Variants in CDCA8 observed in about 807,000 individuals in gnomAD.
The protein encoded by CDCA8 is cell division cycle associated 8.
In CDCA8, 25 loss-of-function variants were observed where a neutral mutation model predicts 40.0. The ratio of observed to expected loss-of-function variants is 0.63; its 90% CI spans 0.46 to 0.87. The LOEUF (loss-of-function observed/expected upper bound fraction) is 0.87. CDCA8 is among the 40% of genes least tolerant of loss of function. The pLI, the probability that CDCA8 is intolerant of heterozygous loss-of-function variation, is 0.00. For missense variants in CDCA8, 280 were observed against 348.4 expected, an observed-to-expected ratio of 0.80 and a Z score of 1.56; for synonymous variants, 111 against 126.5, an observed-to-expected ratio of 0.88 and a Z score of 0.82.
chr1:37,694,459 A>G (rs2148285496), intron 2 of CDCA8, among the ~76,000 whole-genome samples: 1 of 152,250 alleles, frequency 6.6e-6, no homozygotes, highest in East Asian at 1.9e-4. Context: ...GGAATAAAAC[A>G]GACATTGTCT....
At chr1:37,694,094 C>G (rs1420161176) in intron 2 of CDCA8, among the ~76,000 whole-genome samples, 2 of 152,162 alleles carry the variant, frequency 1.3e-5, no homozygotes, top group Non-Finnish European at 2.9e-5. Context: ...GAGCTGAGAG[C>G]ACGCCATTGC....
chr1:37,706,941 G>T, intron 8 of CDCA8, 37 bp from the exon 9 acceptor site: 1 of 1,563,880 alleles, frequency 6.4e-7, no homozygotes, highest in Non-Finnish European at 8.8e-7. Context: ...GGCCCTAAGG[G>T]CCATGGCCAG....
chr1:37,693,070 A>G (rs200641284), intron 2 of CDCA8, 37 bp downstream of exon 2: 7 of 1,604,280 alleles, frequency 4.4e-6, no homozygotes, highest in Admixed American at 1.7e-5. Flanking sequence ...GGAGGCCAGG[A>G]GCCCCTTGGG....
intron 8 of CDCA8, among the ~76,000 whole-genome samples, chr1:37,706,472 G>T (rs976074922): frequency 6.6e-6 from 1 of 152,188 alleles, no homozygotes; most frequent in East Asian, 1.9e-4. Flanking sequence ...TAGACATGGG[G>T]CCTGCCCTTA....
intron 8 of CDCA8, 103 bp from the exon 9 acceptor site, chr1:37,706,875 C>T (rs1054100665): frequency 2.5e-6 from 2 of 810,108 alleles, no homozygotes; most frequent in South Asian, 3.0e-5. Flanking sequence ...GCCACTTCTC[C>T]ATCCCAGCCA....
At chr1:37,705,174 C>T (rs1448737425) in intron 7 of CDCA8, among the ~76,000 whole-genome samples, 2 of 152,178 alleles carry the variant, frequency 1.3e-5, no homozygotes, top group African/African-American at 4.8e-5. Flanking sequence ...GATGATGGCA[C>T]CCATATGGAG....
At chr1:37,695,428 CAA>C (rs5773600) in intron 2 of CDCA8, among the ~76,000 whole-genome samples, 1 of 136,814 alleles carries the variant, frequency 7.3e-6, no homozygotes, top group African/African-American at 2.7e-5. Context: ...CCTATCTCTA[CAA>C]AAAAACACAA....
chr1:37,694,602 A>G (rs941143779), intron 2 of CDCA8, among the ~76,000 whole-genome samples: 1 of 152,262 alleles, frequency 6.6e-6, no homozygotes, highest in Non-Finnish European at 1.5e-5. Flanking sequence ...TGTGCTTTCT[A>G]TGCCAGATGG....
At chr1:37,708,116 A>G (rs1046464297) in intron 9 of CDCA8, among the ~76,000 whole-genome samples, 1 of 152,194 alleles carries the variant, frequency 6.6e-6, no homozygotes, top group African/African-American at 2.4e-5. Flanking sequence ...GATCTATTGC[A>G]ATGTTCTTCT....
chr1:37,708,096 C>A (rs1645614912), intron 9 of CDCA8, among the ~76,000 whole-genome samples: 1 of 152,208 alleles, frequency 6.6e-6, no homozygotes, highest in Non-Finnish European at 1.5e-5. Flanking sequence ...TGACTGTCAT[C>A]CTCTAGCTAG....
Position 37,708,973 on chromosome 1 carries a change from TTCC to T in CDCA8, c.*624_*626del, listed in dbSNP as rs547685290. 43 of 154,390 alleles carry T rather than the reference TTCC, an allele frequency of 2.8e-4. No homozygotes were observed. Among genetic ancestry groups the T allele is most frequent in the Non-Finnish European group, 3.9e-4 (27 of 69,492 alleles). The allele number at this position is 154,390 out of a possible 1,614,324, so 9.6% of individuals were successfully genotyped here. A position where few individuals can be genotyped will look rare whatever the true frequency, so the allele number is the denominator to read the frequency against. On this transcript the variant is annotated 3_prime_UTR_variant, in exon 10 of 10. Transcript: ENST00000373055. ...ACACCTCCCCCTACCAGCCCTCCTC[TTCC>T]TCCTCCTCCTCCTCCTGTGGGAGGT...
chr1:37,700,263 A>G lies in CDCA8; in HGVS notation c.338-173A>G, dbSNP rs1645554896. Among the ~76,000 whole-genome samples the G allele has an allele frequency of 2.0e-5, 3 of 151,904 alleles. No homozygotes were observed. In the South Asian group the frequency reaches 6.2e-4, roughly 31 times the overall value. ...AAAGCATCATATGGGGTCTCTTAAC[A>G]CTCTGGTTAGTTTCCTTTGTCTAAA... On this transcript the variant is annotated intron_variant, in intron 4 of 9. Coordinates refer to ENST00000373055, the MANE Select transcript of CDCA8 (RefSeq NM_001256875.2).
chr1:37,696,018 A>C lies in CDCA8; in HGVS notation c.264+68A>C. 2 of 1,354,882 alleles carry C rather than the reference A, an allele frequency of 1.5e-6. No homozygotes were observed. The highest frequency in any genetic ancestry group is 1.1e-6 in the Non-Finnish European group (1 of 949,156). 83.9% of individuals were successfully genotyped at this position (1,354,882 alleles called of 1,614,324 possible). Reference sequence around the variant, plus strand: ...CTAGTCCAGTCCCCAGATCCAACTAATAGATGCTTACTGTGGAAGAGGTTT... The same window carrying C: ...CTAGTCCAGTCCCCAGATCCAACTACTAGATGCTTACTGTGGAAGAGGTTT... On this transcript the variant is annotated intron_variant, in intron 3 of 9. Transcript: ENST00000373055. This position sits in a 1 kb window ranked among gnomAD's most constrained non-coding sequence, Gnocchi z 5.0.
At position 37,708,309 on chromosome 1, in the gene CDCA8, C is replaced by T. The variant is rs777262170; in HGVS notation, c.799-13C>T. 3.7e-6 allele frequency: 6 copies of T among 1,601,454 alleles called. No individual in the cohort carries two copies. The African/African-American group carries it at 8.4e-5, about 22-fold the overall frequency. Reference sequence around the variant, plus strand: ...GACATCTTCTACAATGACCTCTCTCCTTTTCTTTTTAGAACCGTCTCGCCC... The same window carrying T: ...GACATCTTCTACAATGACCTCTCTCTTTTTCTTTTTAGAACCGTCTCGCCC... On this transcript the variant is annotated splice_polypyrimidine_tract_variant and intron_variant, in intron 9 of 9. Transcript: ENST00000373055.
intron 7 of CDCA8, among the ~76,000 whole-genome samples, chr1:37,703,778 C>T (rs1394612337): frequency 1.3e-5 from 2 of 152,072 alleles, no homozygotes; most frequent in Non-Finnish European, 2.9e-5. Flanking sequence ...AGGACAGTGG[C>T]CAGCTGGGTT....
At position 37,701,941 on chromosome 1, in the gene CDCA8, CT is replaced by C; in HGVS notation, c.488+124del. On this transcript the variant is annotated intron_variant, in intron 6 of 9. Transcript: ENST00000373055. Reference sequence around the variant, plus strand: ...AGTGTTTGAAAGCAGCTTAAAATCACTGAATCCTTGAGTATCCAAGCTGGAG... The same window carrying C: ...AGTGTTTGAAAGCAGCTTAAAATCACGAATCCTTGAGTATCCAAGCTGGAG... The C allele has an allele frequency of 1.8e-5, 13 of 715,534 alleles. No homozygotes were observed. In the South Asian group the frequency reaches 2.4e-4, roughly 13 times the overall value. 44.3% of individuals were successfully genotyped at this position (715,534 alleles called of 1,614,324 possible). A position where few individuals can be genotyped will look rare whatever the true frequency, so the allele number is the denominator to read the frequency against.
At chr1:37,694,195 G>A (rs1435699417) in intron 2 of CDCA8, among the ~76,000 whole-genome samples, 4 of 152,106 alleles carry the variant, frequency 2.6e-5, no homozygotes, top group Non-Finnish European at 5.9e-5. Flanking sequence ...GCCTGTTTCT[G>A]CACTCCCTTA....
chr1:37,697,611 T>C (rs777971544), intron 3 of CDCA8, among the ~76,000 whole-genome samples: 2 of 152,238 alleles, frequency 1.3e-5, no homozygotes, highest in African/African-American at 2.4e-5. Flanking sequence ...GGAATCTTTC[T>C]GAAATCAAGT....
At chr1:37,693,479 A>G (rs1276884562) in intron 2 of CDCA8, among the ~76,000 whole-genome samples, 1 of 151,962 alleles carries the variant, frequency 6.6e-6, no homozygotes, top group East Asian at 1.9e-4. Context: ...GCTCACTGCA[A>G]CCTCCACCTT....
Sources: gnomAD v4.1 joint callset for allele counts (sites outside exome capture counted in the v4.1 genomes callset) on GRCh38, gnomAD v4.1.1 for gene constraint, Gnocchi (gnomAD v3.1) non-coding constraint, MANE v1.5 for transcripts, NCBI Gene and HGNC (gene_info 2026-07-23, HGNC 2026-07-21) for gene names.